The following KIF24 variants were observed in gnomAD, a reference collection of about 807,000 sequenced individuals.
KIF24 encodes the protein kinesin family member 24.
Under a neutral mutation model 118.9 loss-of-function variants are expected in KIF24, and 81 were observed. The observed-to-expected ratio is 0.68, with a 90% confidence interval of 0.57 to 0.82. The LOEUF is 0.82. KIF24 is among the 40% of genes least tolerant of loss of function. The probability of loss-of-function intolerance (pLI) is 0.00; values close to 1 mark genes in which losing one functional copy is unlikely to be tolerated. For missense variants in KIF24, 1,560 were observed against 1,661.6 expected (o/e 0.94, Z 1.06); for synonymous variants, 599 against 610.0 (o/e 0.98, Z 0.27).
intron 6 of KIF24, among the ~76,000 whole-genome samples, chr9:34,281,376 T>C (rs1156473534): frequency 6.6e-6 from 1 of 152,150 alleles, no homozygotes; most frequent in Admixed American, 6.6e-5. Context: ...CTATAGGTAG[T>C]AGAGTATCGT....
chr9:34,296,020 C>A (rs1483940838), intron 4 of KIF24, among the ~76,000 whole-genome samples: 1 of 149,278 alleles, frequency 6.7e-6, no homozygotes, highest in African/African-American at 2.5e-5. Context: ...GAGATCGAGA[C>A]CATCCTGACT....
At chr9:34,299,436 C>T (rs897279991) in intron 3 of KIF24, among the ~76,000 whole-genome samples, 5 of 151,948 alleles carry the variant, frequency 3.3e-5, no homozygotes, top group African/African-American at 1.2e-4. Flanking sequence ...TCTGCTTCAG[C>T]CTCCCAAAGT....
At chr9:34,316,369 GT>G (rs1309743928) in intron 1 of KIF24, among the ~76,000 whole-genome samples, 1 of 151,614 alleles carries the variant, frequency 6.6e-6, no homozygotes, top group Non-Finnish European at 1.5e-5. Context: ...TATGTCTACT[GT>G]TTTGCCCAAG....
intron 8 of KIF24, among the ~76,000 whole-genome samples, chr9:34,265,846 A>G (rs1001923140): frequency 6.6e-6 from 1 of 152,094 alleles, no homozygotes; most frequent in African/African-American, 2.4e-5. Context: ...GTGTAATTTT[A>G]ATTTTATTTA....
intron 8 of KIF24, among the ~76,000 whole-genome samples, chr9:34,263,420 A>G (rs1835168700): frequency 6.6e-6 from 1 of 152,178 alleles, no homozygotes; most frequent in African/African-American, 2.4e-5. Context: ...ACTGCCCCTG[A>G]GTTGACGGCG....
rs1177778379 is a variant in KIF24 at position 34,256,957 on chromosome 9, C to T, written c.2650G>A (p.Asp884Asn). The T allele has an allele frequency of 6.2e-7, 1 of 1,613,894 alleles. No homozygotes were observed. Among genetic ancestry groups the T allele is most frequent in the Non-Finnish European group, 8.5e-7 (1 of 1,179,900 alleles). The change falls in exon 11 of 13, where the codon GAC (aspartate) becomes AAC (asparagine). Residue 884 changes from aspartate to asparagine, a missense_variant. By Grantham distance (23) the Asp-to-Asn change is conservative. Transcript: ENST00000402558. ...CAGCTTTTAGTTAGATCTTTCTTGTCACCTGTCCTGGGGCTAGAAAACAGA... is the reference window on the plus strand; with the variant it reads ...CAGCTTTTAGTTAGATCTTTCTTGTTACCTGTCCTGGGGCTAGAAAACAGA... ...QSLFSSPRTG[D>N]KKDLTKSWVD... is the part of the protein sequence containing the mutation.
At position 34,254,514 on chromosome 9, in the gene KIF24, CA is replaced by C; in HGVS notation, c.3972del (p.Phe1324LeufsTer5). 1 of 1,613,462 alleles carries C rather than the reference CA, an allele frequency of 6.2e-7. No homozygotes were observed. On this transcript the variant is annotated frameshift_variant, in exon 13 of 13. Coordinates refer to ENST00000402558, the MANE Select transcript of KIF24 (RefSeq NM_194313.4). LOFTEE classifies it high-confidence loss of function. The part of the protein sequence containing the change: ...TLMSQLASND[F>X]EDFVTQLDEI... ...TCATCCAGCTGGGTCACAAAATCTT[CA>C]AAATCCTGAGAAGGAAACAAGGGAC...
rs749149971 is a variant in KIF24 at position 34,254,450 on chromosome 9, C to T, written c.4037G>A (p.Arg1346Lys). 6.8e-6 allele frequency: 11 copies of T among 1,613,804 alleles called. No individual in the cohort carries two copies. Among genetic ancestry groups the T allele is most frequent in the Middle Eastern group, 1.6e-4 (1 of 6,082 alleles). ...GGTGAGATAGAGCTGCAGCTGGCTC[C>T]TCAGACTCTGGATACACTTGGATTT... ...VLKSKCIQSLRSQLQLYLTCH... is the reference protein window; with the variant it reads ...VLKSKCIQSLKSQLQLYLTCH... The change falls in exon 13 of 13, where the codon AGG (arginine) becomes AAG (lysine). Residue 1346 changes from arginine to lysine, a missense_variant. Transcript: ENST00000402558.
chr9:34,321,083 C>T (rs1487040898), intron 1 of KIF24, among the ~76,000 whole-genome samples: 2 of 152,156 alleles, frequency 1.3e-5, no homozygotes, highest in East Asian at 1.9e-4. Flanking sequence ...TGGTATAACA[C>T]ATCAGAGACA....
chr9:34,325,664 C>T (rs534140414), intron 1 of KIF24, among the ~76,000 whole-genome samples: 26 of 151,894 alleles, frequency 1.7e-4, no homozygotes, highest in South Asian at 6.2e-4. Flanking sequence ...TGCACTCCAG[C>T]CTGGGCAACA....
chr9:34,282,965 T>G (rs1051793925), intron 6 of KIF24, among the ~76,000 whole-genome samples: 3 of 135,852 alleles, frequency 2.2e-5, no homozygotes, highest in Non-Finnish European at 3.0e-5. Flanking sequence ...GGCAGGAGAA[T>G]CACATGAACC....
intron 2 of KIF24, among the ~76,000 whole-genome samples, chr9:34,309,969 C>CCTT (rs551757834): frequency 3.2e-5 from 4 of 123,444 alleles, no homozygotes; most frequent in East Asian, 3.2e-4. Flanking sequence ...ACAAGGAGTA[C>CCTT]TTTTTTTTTT....
Position 34,257,725 on chromosome 9 carries a change from C to T in KIF24, c.1882G>A (p.Gly628Ser). 6.2e-7 allele frequency: 1 copy of T among 1,614,018 alleles called. No individual in the cohort carries two copies. Among genetic ancestry groups the T allele is most frequent in the Non-Finnish European group, 8.5e-7 (1 of 1,179,886 alleles). Reference protein sequence around the residue: ...IPFTSAPKVSGKRGGSRGSPS... With the variant: ...IPFTSAPKVSSKRGGSRGSPS... Reference sequence around the variant, plus strand: ...CTCCCTCTGGAGCCACCCCTTTTACCAGAGACCTTAGGTGCAGAAGTAAAA... The same window carrying T: ...CTCCCTCTGGAGCCACCCCTTTTACTAGAGACCTTAGGTGCAGAAGTAAAA... The change falls in exon 11 of 13, where the codon GGT (glycine) becomes AGT (serine). Residue 628 changes from glycine to serine, a missense_variant. By Grantham distance (56) the Gly-to-Ser change is moderately conservative. Transcript: ENST00000402558.
chr9:34,287,993 A>G (rs1836114059), intron 5 of KIF24, among the ~76,000 whole-genome samples: 1 of 151,802 alleles, frequency 6.6e-6, no homozygotes. Context: ...TTAATCTCTG[A>G]GCCCACCCCA....
In KIF24 at chr9:34,311,139, C is replaced by A. The variant is rs1229253354; in HGVS notation, c.208G>T (p.Ala70Ser). Residue 70 changes from alanine to serine, a missense_variant, in exon 2 of 13, where the codon GCA (alanine) becomes TCA (serine). Physicochemically the swap from Ala to Ser is moderately conservative, Grantham distance 99. Around this residue, in one of 3 missense-constraint regions of KIF24, gnomAD observed 964 missense variants for 988.0 expected, o/e 0.98. Coordinates refer to ENST00000402558, the MANE Select transcript of KIF24 (RefSeq NM_194313.4). ...IIKIMQEEDK[A>S]VSIPERHLQT... ...AGATGACGCTCTGGGATACTGACTG[C>A]TTTATCTTCTTCTTGCATAATCTTA... 1 of 1,613,652 alleles carries A rather than the reference C, an allele frequency of 6.2e-7. No individual in the cohort carries two copies. Among genetic ancestry groups the A allele is most frequent in the East Asian group, 2.2e-5 (1 of 44,866 alleles).
upstream of KIF24, among the ~76,000 whole-genome samples, chr9:34,332,127 C>T: frequency 6.6e-6 from 1 of 152,288 alleles, no homozygotes; most frequent in Non-Finnish European, 1.5e-5. Context: ...TGTAAAATGT[C>T]AGTCTGACCA....
intron 4 of KIF24, among the ~76,000 whole-genome samples, chr9:34,293,692 C>G (rs1050141875): frequency 6.6e-6 from 1 of 152,238 alleles, no homozygotes; most frequent in South Asian, 2.1e-4. Context: ...AGGAGAATGG[C>G]GTGAACCCAG....
At position 34,303,234 on chromosome 9, in the gene KIF24, T is replaced by C. The variant is rs574493835; in HGVS notation, c.813+3018A>G. Among the ~76,000 whole-genome samples the C allele has an allele frequency of 7.9e-5, 12 of 152,180 alleles. No individual in the cohort carries two copies. The East Asian group carries it at 1.5e-3, about 20-fold the overall frequency. On this transcript the variant is annotated intron_variant, in intron 3 of 12. Transcript: ENST00000402558. ...CCAGCCTGTATTTTTTCTGAAGAAATTGGTTGTACAGGCAAGCAGAGGCCA... is the reference window on the plus strand; with the variant it reads ...CCAGCCTGTATTTTTTCTGAAGAAACTGGTTGTACAGGCAAGCAGAGGCCA...
At position 34,255,949 on chromosome 9, in the gene KIF24, A is replaced by G; in HGVS notation, c.3658T>C (p.Trp1220Arg). Residue 1220 changes from tryptophan (W) to arginine (R), a missense_variant, in exon 11 of 13, where the codon TGG (tryptophan) becomes CGG (arginine). Coordinates refer to ENST00000402558, the MANE Select transcript of KIF24 (RefSeq NM_194313.4). ...GTAGGATGTTTTCTCTCCTGGGCCC[A>G]GAGCTGGTCAGCCACATCACTACTT... ...TGSSDVADQLWAQERKHPTRL... is the reference protein window; with the variant it reads ...TGSSDVADQLRAQERKHPTRL... 1 of 1,613,968 alleles carries G rather than the reference A, an allele frequency of 6.2e-7. No individual in the cohort carries two copies. Among genetic ancestry groups the G allele is most frequent in the Non-Finnish European group, 8.5e-7 (1 of 1,179,864 alleles).
Sources: gnomAD v4.1 joint callset for allele counts (sites outside exome capture counted in the v4.1 genomes callset) on GRCh38, gnomAD v4.1.1 for gene constraint, gnomAD v4.1.1 regional missense constraint, MANE v1.5 for transcripts, NCBI Gene and HGNC (gene_info 2026-07-23, HGNC 2026-07-21) for gene names.